The following DENND2C variants were observed in gnomAD, a reference collection of about 807,000 sequenced individuals.
DENND2C encodes the protein DENN domain-containing protein 2C.
In DENND2C, 72 loss-of-function variants were observed where a neutral mutation model predicts 112.4. That is an observed-to-expected ratio of 0.64 (90% CI 0.53 to 0.78). DENND2C has a LOEUF of 0.78. Ranked by LOEUF, DENND2C falls within the 30% of genes least tolerant of loss-of-function variation. The probability of loss-of-function intolerance (pLI) is 0.00; values close to 1 mark genes in which losing one functional copy is unlikely to be tolerated. For missense variants in DENND2C, 992 were observed against 1,113.8 expected (o/e 0.89, Z 1.56); for synonymous variants, 329 against 381.6 (o/e 0.86, Z 1.61).
chr1:114,658,328 G>A (rs1164350037), intron 1 of DENND2C, among the ~76,000 whole-genome samples: 1 of 152,136 alleles, frequency 6.6e-6, no homozygotes, highest in Non-Finnish European at 1.5e-5. Context: ...AGAAAGACTG[G>A]TGAGAGGTAA....
chr1:114,635,026 TA>T (rs374636363), intron 3 of DENND2C, among the ~76,000 whole-genome samples: 93 of 94,702 alleles, frequency 9.8e-4, no homozygotes, highest in East Asian at 2.5e-3. Context: ...AGACTCCGTC[TA>T]AAAAAAAAAA....
rs1655926486 is a variant in DENND2C at position 114,615,048 on chromosome 1, T to C, written c.1324+3338A>G. Among the ~76,000 whole-genome samples the C allele has an allele frequency of 2.6e-5, 4 of 151,908 alleles. No individual in the cohort carries two copies. In the South Asian group the frequency reaches 8.3e-4, roughly 31 times the overall value. ...AAAACCTGAAGAGAGTAGTTATGAATAGACTGCTGTTAATCTGAGAAAATG... is the reference window on the plus strand; with the variant it reads ...AAAACCTGAAGAGAGTAGTTATGAACAGACTGCTGTTAATCTGAGAAAATG... On this transcript the variant is annotated intron_variant, in intron 8 of 20. Transcript: ENST00000393274.
rs894227431 is a variant in DENND2C at position 114,608,648 on chromosome 1, G to A, written c.1557+38C>T. On this transcript the variant is annotated intron_variant, in intron 10 of 20. Transcript: ENST00000393274. ...GAAATACATGTACACAGAGACACAG[G>A]AACATTCCTGAATGCCTCTTGGCCT... is the stretch of plus-strand genomic sequence containing the variant. 3.8e-6 allele frequency: 6 copies of A among 1,597,584 alleles called. No homozygotes were observed. The African/African-American group carries it at 8.1e-5, about 22-fold the overall frequency.
At chr1:114,587,342 T>C in intron 20 of DENND2C, 45 bp downstream of exon 20, 2 of 1,606,940 alleles carry the variant, frequency 1.2e-6, no homozygotes, top group Non-Finnish European at 1.7e-6. Context: ...CCACCGCGCC[T>C]GGTCTTCAGC....
At chr1:114,639,409 C>A (rs1005561568) in intron 3 of DENND2C, among the ~76,000 whole-genome samples, 1 of 151,710 alleles carries the variant, frequency 6.6e-6, no homozygotes, top group Non-Finnish European at 1.5e-5. Context: ...TGAAACCCCA[C>A]CTCTACTAAA....
chr1:114,599,260 T>C lies in DENND2C; in HGVS notation c.2283+14A>G, dbSNP rs763890588. 3 of 1,579,286 alleles carry C rather than the reference T, an allele frequency of 1.9e-6. No homozygotes were observed. In the Admixed American group the frequency reaches 5.1e-5, roughly 27 times the overall value. On this transcript the variant is annotated intron_variant, in intron 16 of 20. Transcript: ENST00000393274. ...CTCAATGCTCCAATATTAGGTTCCA[T>C]TCTTCTATCTCACCTCTTCAATGGG...
chr1:114,628,551 T>C (rs1187204023), intron 3 of DENND2C, among the ~76,000 whole-genome samples: 1 of 152,226 alleles, frequency 6.6e-6, no homozygotes, highest in East Asian at 1.9e-4. Context: ...AGCACTTTAA[T>C]GAATTTTAAC....
chr1:114,587,504 G>A (rs1487737697), intron 19 of DENND2C, 31 bp from the exon 20 acceptor site: 2 of 1,608,502 alleles, frequency 1.2e-6, no homozygotes, highest in Non-Finnish European at 1.7e-6. Context: ...TGGTGAAACT[G>A]TGTAACACTC....
chr1:114,602,085 C>T, intron 12 of DENND2C, 40 bp downstream of exon 12: 1 of 1,606,556 alleles, frequency 6.2e-7, no homozygotes, highest in Non-Finnish European at 8.5e-7. Context: ...CTCAATTATT[C>T]CTTGACCAAC....
At chr1:114,623,162 TG>T in intron 5 of DENND2C, 63 bp from the exon 6 acceptor site, 1 of 1,468,706 alleles carries the variant, frequency 6.8e-7, no homozygotes, top group Non-Finnish European at 9.2e-7. Context: ...TAACCACAGC[TG>T]GCAAAAGAAA....
chr1:114,647,719 C>A lies in DENND2C; in HGVS notation c.-316-2160G>T, dbSNP rs560664110. On this transcript the variant is annotated intron_variant, in intron 2 of 20. Transcript: ENST00000393274. ...TACAGATGTGAGCCACTACGCCTGA[C>A]CTGTATAGCATATATTTTAAATAAT... 4.6e-5 allele frequency among the ~76,000 whole-genome samples: 7 copies of A among 152,130 alleles called. No individual in the cohort carries two copies. The East Asian group carries it at 1.2e-3, about 25-fold the overall frequency.
intron 3 of DENND2C, among the ~76,000 whole-genome samples, chr1:114,641,696 T>C (rs1158812218): frequency 6.6e-6 from 1 of 152,160 alleles, no homozygotes; most frequent in Non-Finnish European, 1.5e-5. Context: ...TGAAGAACCA[T>C]AAGCCAAATA....
In DENND2C at chr1:114,599,383, A is replaced by G. The variant is rs1570759928; in HGVS notation, c.2174T>C (p.Ile725Thr). The G allele has an allele frequency of 6.2e-7, 1 of 1,614,116 alleles. No homozygotes were observed. The highest frequency in any genetic ancestry group is 2.2e-5 in the East Asian group (1 of 44,880). The change falls in exon 16 of 21, where the codon ATC becomes ACC. Residue 725 changes from isoleucine (I) to threonine (T), a missense_variant. Around this residue, in one of 3 missense-constraint regions of DENND2C, gnomAD observed 516 missense variants for 623.6 expected, o/e 0.83. Transcript: ENST00000393274. ...AATCATAGATGCTGGCAGGACTGGG[A>G]TATAGGTATGCTGCCAGGTGAACGG... ...LYPFTWQHTYIPVLPASMIDI... is the reference protein window; with the variant it reads ...LYPFTWQHTYTPVLPASMIDI...
Position 114,593,811 on chromosome 1 carries a change from G to T in DENND2C, c.2431+662C>A, listed in dbSNP as rs745935223. ...AACCCAAAACAAACAAACAAAAAAC[G>T]CTGCTCCTTCCCTAATGTTCCCTGT... On this transcript the variant is annotated intron_variant, in intron 18 of 20. Transcript: ENST00000393274. Among the ~76,000 whole-genome samples the T allele has an allele frequency of 8.6e-5, 13 of 151,690 alleles. 1 individual carries two copies. The East Asian group carries it at 2.5e-3, about 29-fold the overall frequency.
chr1:114,626,966 C>G (rs1246266448), intron 3 of DENND2C, among the ~76,000 whole-genome samples: 1 of 152,136 alleles, frequency 6.6e-6, no homozygotes, highest in Non-Finnish European at 1.5e-5. Flanking sequence ...TCCTCCTGTC[C>G]TACGTTGATT....
intron 6 of DENND2C, 58 bp from the exon 7 acceptor site, chr1:114,622,123 T>G (rs950279442): frequency 7.1e-5 from 104 of 1,466,884 alleles, no homozygotes; most frequent in Non-Finnish European, 8.7e-5. Flanking sequence ...GTTGCTTGTT[T>G]GTTTGTTTGA....
At chr1:114,594,669 A>G in intron 17 of DENND2C, 91 bp from the exon 18 acceptor site, 1 of 1,055,278 alleles carries the variant, frequency 9.5e-7, no homozygotes, top group Middle Eastern at 2.5e-4. Context: ...CCAAAATTCC[A>G]CAAGTGACTG....
At chr1:114,600,501 C>A in intron 14 of DENND2C, 149 bp from the exon 15 acceptor site, 1 of 1,029,552 alleles carries the variant, frequency 9.7e-7, no homozygotes, top group South Asian at 1.7e-5. Context: ...AATGCCAGGA[C>A]CCAACAGCTT....
At chr1:114,663,180 A>C (rs1432550293) in intron 1 of DENND2C, among the ~76,000 whole-genome samples, 2 of 152,236 alleles carry the variant, frequency 1.3e-5, no homozygotes, top group Non-Finnish European at 2.9e-5. Context: ...CATTCAGGGC[A>C]GAAGAAAAAG....
Sources: allele counts gnomAD v4.1 joint callset (sites outside exome capture counted in the v4.1 genomes callset), GRCh38; gene constraint gnomAD v4.1.1; regional missense constraint gnomAD v4.1.1; transcripts MANE v1.5; gene names NCBI Gene and HGNC (gene_info 2026-07-23, HGNC 2026-07-21).